Variants in SCHIP1 observed in about 807,000 individuals in gnomAD.
SCHIP1 encodes schwannomin interacting protein 1.
Under a neutral mutation model 29.7 loss-of-function variants are expected in SCHIP1, and 8 were observed. The ratio of observed to expected loss-of-function variants is 0.27; its 90% CI spans 0.16 to 0.49. The LOEUF is 0.49. SCHIP1 is among the 20% of genes least tolerant of loss of function. The pLI is 0.99. For missense variants in SCHIP1, 193 were observed against 294.6 expected (o/e 0.66, Z 2.52); for synonymous variants, 76 against 94.9 (o/e 0.80, Z 1.16).
chr3:159,866,132 A>G (rs780510717), intron 1 of SCHIP1, 31 bp from the exon 3 acceptor site: 3 of 1,606,438 alleles, frequency 1.9e-6, no homozygotes, highest in Admixed American at 1.7e-5. Context: ...CTGCCCACTT[A>G]TCAGCATTTT....
chr3:159,286,259 G>T, the SCHIP1 span, among the ~76,000 whole-genome samples: 2 of 152,052 alleles, frequency 1.3e-5, no homozygotes, highest in African/African-American at 4.8e-5. Flanking sequence ...GGTGTCTGTT[G>T]TTCCTTTCTT....
chr3:159,675,851 G>A, the SCHIP1 span, among the ~76,000 whole-genome samples: 1 of 152,294 alleles, frequency 6.6e-6, no homozygotes, highest in Non-Finnish European at 1.5e-5. Context: ...TATATATGAG[G>A]CCAGGCGTGG....
the SCHIP1 span, among the ~76,000 whole-genome samples, chr3:159,623,635 A>G: frequency 1.3e-5 from 2 of 152,116 alleles, no homozygotes; most frequent in Non-Finnish European, 2.9e-5. Context: ...CTAAATAAAT[A>G]AATAAACAAA....
chr3:159,647,346 G>A, the SCHIP1 span, among the ~76,000 whole-genome samples: 12 of 152,172 alleles, frequency 7.9e-5, no homozygotes, highest in East Asian at 2.3e-3. Context: ...AGGAGGAGAG[G>A]GTTGAACGGG....
the SCHIP1 span, among the ~76,000 whole-genome samples, chr3:159,368,515 C>T: frequency 6.6e-6 from 1 of 152,118 alleles, no homozygotes; most frequent in Non-Finnish European, 1.5e-5. Context: ...TAATGTTGAA[C>T]GAATTACTGA....
At chr3:159,353,713 T>G in the SCHIP1 span, among the ~76,000 whole-genome samples, 3 of 152,186 alleles carry the variant, frequency 2.0e-5, no homozygotes, top group East Asian at 5.8e-4. Flanking sequence ...AAAAAGAGCT[T>G]AAGTACAGGT....
At chr3:159,464,198 T>A in the SCHIP1 span, among the ~76,000 whole-genome samples, 7 of 152,296 alleles carry the variant, frequency 4.6e-5, no homozygotes, top group East Asian at 1.4e-3. Context: ...TATATTCTTT[T>A]GTGGCCTCGT....
At chr3:159,455,759 G>A in the SCHIP1 span, among the ~76,000 whole-genome samples, 1 of 152,196 alleles carries the variant, frequency 6.6e-6, no homozygotes, top group Non-Finnish European at 1.5e-5. Context: ...AATGCAGGCA[G>A]GGTTGAGAGG....
chr3:159,864,469 C>G lies in SCHIP1; in HGVS notation c.31-1694C>G, dbSNP rs1053273608. Among the ~76,000 whole-genome samples the G allele has an allele frequency of 1.2e-4, 10 of 81,228 alleles. No homozygotes were observed. The Admixed American group carries it at 1.4e-3, about 11-fold the overall frequency. The allele number at this position is 81,228 out of a possible 152,430, so 53.3% of individuals were successfully genotyped here. ...AGTAGTCTTTCACCTTATGGCTGTA[C>G]TACACACACACACACACACACACAC... On this transcript the variant is annotated intron_variant, in intron 1 of 6. Transcript: ENST00000445224.
At chr3:159,677,980 G>A in the SCHIP1 span, among the ~76,000 whole-genome samples, 2 of 152,170 alleles carry the variant, frequency 1.3e-5, no homozygotes, top group Non-Finnish European at 2.9e-5. Context: ...GGAATTACAG[G>A]CATGAGCCAT....
At chr3:159,816,263 T>C in the SCHIP1 span, among the ~76,000 whole-genome samples, 1 of 151,724 alleles carries the variant, frequency 6.6e-6, no homozygotes, top group South Asian at 2.1e-4. Flanking sequence ...TGGTCCTTTT[T>C]TAAAATGTAT....
chr3:159,857,348 A>T (rs1039877548), intron 1 of SCHIP1, among the ~76,000 whole-genome samples: 4 of 151,504 alleles, frequency 2.6e-5, no homozygotes, highest in Non-Finnish European at 4.4e-5. Flanking sequence ...CTTCTACAGC[A>T]CTCTCTACTT....
intron 1 of SCHIP1, among the ~76,000 whole-genome samples, chr3:159,864,387 TAAG>T (rs1714380245): frequency 6.7e-6 from 1 of 150,224 alleles, no homozygotes; most frequent in African/African-American, 2.5e-5. Context: ...CGGCAAAAAA[TAAG>T]AACTATGAAA....
intron 1 of SCHIP1, among the ~76,000 whole-genome samples, chr3:159,840,676 A>C (rs1744140354): frequency 1.3e-5 from 2 of 152,330 alleles, no homozygotes; most frequent in Non-Finnish European, 2.9e-5. Context: ...GGAAATTTTC[A>C]AAAATCAGCC....
the SCHIP1 span, among the ~76,000 whole-genome samples, chr3:159,636,610 A>C: frequency 6.6e-6 from 1 of 152,224 alleles, no homozygotes; most frequent in African/African-American, 2.4e-5. Context: ...TCTTAATTTA[A>C]ATGTAGAAGT....
At chr3:159,393,546 C>T in the SCHIP1 span, among the ~76,000 whole-genome samples, 1 of 151,550 alleles carries the variant, frequency 6.6e-6, no homozygotes, top group African/African-American at 2.4e-5. Context: ...AGCCAGTTTT[C>T]CCAGCACCAT....
At position 159,889,819 on chromosome 3, in the gene SCHIP1, G is replaced by A. The variant is rs192255218; in HGVS notation, c.589+876G>A. 2.0e-5 allele frequency among the ~76,000 whole-genome samples: 3 copies of A among 152,178 alleles called. 1 individual carries two copies. The highest frequency in any genetic ancestry group is 1.9e-4 in the East Asian group (1 of 5,202). On this transcript the variant is annotated intron_variant, in intron 5 of 6. Coordinates refer to ENST00000445224, the Ensembl canonical transcript of SCHIP1. ...TGAATTTAAAAAAGAAAAGCTGGCC[G>A]GGCGCGGTGGCTCATGCCTGTGATC...
chr3:159,556,076 A>C, the SCHIP1 span, among the ~76,000 whole-genome samples: 3 of 152,146 alleles, frequency 2.0e-5, no homozygotes, highest in African/African-American at 7.2e-5. Context: ...TACAAGAAAA[A>C]AACAAACAAC....
At chr3:159,766,688 G>A in the SCHIP1 span, among the ~76,000 whole-genome samples, 1 of 152,138 alleles carries the variant, frequency 6.6e-6, no homozygotes, top group East Asian at 1.9e-4. Flanking sequence ...CAAAAGTTGT[G>A]GAACAAATTG....
Sources: allele counts gnomAD v4.1 joint callset (sites outside exome capture counted in the v4.1 genomes callset), GRCh38; gene constraint gnomAD v4.1.1; transcripts MANE v1.5; gene names NCBI Gene and HGNC (gene_info 2026-07-23, HGNC 2026-07-21).